The following DLC1 variants were observed in gnomAD, a reference collection of about 807,000 sequenced individuals.
DLC1 encodes the protein DLC1 Rho GTPase activating protein, also known as rho GTPase-activating protein 7.
A neutral mutation model predicts 140.3 loss-of-function variants in DLC1; 54 were observed. The observed-to-expected ratio is 0.38, with a 90% CI of 0.31 to 0.48. The LOEUF (loss-of-function observed/expected upper bound fraction) is 0.48, where lower values mean the gene tolerates loss of function less well. DLC1 is among the 20% of genes least tolerant of loss of function. The pLI is 0.96. For missense variants in DLC1, 2,536 were observed against 1,907.0 expected (o/e 1.33, Z -6.14); for synonymous variants, 986 against 728.1 (o/e 1.35, Z -5.70).
intron 5 of DLC1, among the ~76,000 whole-genome samples, chr8:13,193,684 G>A (rs1464359834): frequency 6.6e-6 from 1 of 152,158 alleles, no homozygotes; most frequent in Non-Finnish European, 1.5e-5. Context: ...AGAACCAAAG[G>A]AAGTGAGTAC....
chr8:13,157,406 G>T (rs1424259636), intron 5 of DLC1, among the ~76,000 whole-genome samples: 5 of 152,180 alleles, frequency 3.3e-5, no homozygotes, highest in Non-Finnish European at 7.4e-5. Context: ...GTTTTTGTAA[G>T]AGAGAGCCTG....
At chr8:13,340,704 T>G (rs1834001102) in intron 4 of DLC1, 1 of 152,258 alleles carries the variant, frequency 6.6e-6, no homozygotes, top group African/African-American at 2.4e-5. Flanking sequence ...GGCTATTGTT[T>G]TATTGTTGTT....
At position 13,370,437 on chromosome 8, in the gene DLC1, G is replaced by A. The variant is rs556702775; in HGVS notation, c.1314+23116C>T. On this transcript the variant is annotated intron_variant, in intron 4 of 17. Transcript: ENST00000276297. ...AGTGTTTTATTCTTGCCACTTGTGT[G>A]CTCATCTCATGTCTAAAACCACCTG... Among the ~76,000 whole-genome samples, 89 of 152,170 alleles carry A rather than the reference G, an allele frequency of 5.8e-4. 3 individuals are homozygous for A. The South Asian group carries it at 0.018, about 31-fold the overall frequency.
chr8:13,308,263 C>T (rs1169265409), intron 4 of DLC1, among the ~76,000 whole-genome samples: 1 of 152,178 alleles, frequency 6.6e-6, no homozygotes, highest in Middle Eastern at 3.2e-3. Flanking sequence ...AGAATGTCAC[C>T]ACACTCTGCA....
At chr8:13,410,996 C>A (rs1231818064) in intron 2 of DLC1, among the ~76,000 whole-genome samples, 1 of 152,184 alleles carries the variant, frequency 6.6e-6, no homozygotes, top group Non-Finnish European at 1.5e-5. Flanking sequence ...AACCCACCTG[C>A]AGAGCTGATT....
At chr8:13,293,229 C>G (rs1038899061) in intron 5 of DLC1, among the ~76,000 whole-genome samples, 9 of 152,008 alleles carry the variant, frequency 5.9e-5, no homozygotes, top group Non-Finnish European at 5.9e-5. Flanking sequence ...GAACCTGTCT[C>G]TAAAACAATA....
At chr8:13,453,438 G>A (rs28722819) in intron 2 of DLC1, among the ~76,000 whole-genome samples, 81 of 16,580 alleles carry the variant, frequency 4.9e-3, no homozygotes, top group African/African-American at 0.016. Context: ...ATATATATAT[G>A]TATATATATA....
intron 5 of DLC1, among the ~76,000 whole-genome samples, chr8:13,302,487 A>G (rs1019783201): frequency 6.6e-6 from 1 of 152,212 alleles, no homozygotes; most frequent in Non-Finnish European, 1.5e-5. Flanking sequence ...CTGTATTATC[A>G]TAGCAACGTG....
At chr8:13,547,789 C>T (rs13259421) in intron 1 of DLC1, among the ~76,000 whole-genome samples, 42,540 of 151,896 alleles carry the variant, frequency 0.28, 6,194 homozygotes, top group Admixed American at 0.3. Context: ...ATCTCTTCTC[C>T]CAACTCCTTT....
At chr8:13,495,851 C>T (rs114597394) in intron 2 of DLC1, among the ~76,000 whole-genome samples, 2,278 of 152,178 alleles carry the variant, frequency 0.015, 57 homozygotes, top group African/African-American at 0.053. Flanking sequence ...TGAAGATCCC[C>T]CTTATAAGCT....
At chr8:13,546,968 A>G (rs2117345074) in intron 1 of DLC1, among the ~76,000 whole-genome samples, 1 of 152,224 alleles carries the variant, frequency 6.6e-6, no homozygotes, top group East Asian at 1.9e-4. Flanking sequence ...TGTATATATA[A>G]AAAACATAGA....
At chr8:13,585,331 A>G (rs1180890504) in intron 1 of DLC1, among the ~76,000 whole-genome samples, 1 of 152,308 alleles carries the variant, frequency 6.6e-6, no homozygotes, top group Non-Finnish European at 1.5e-5. Flanking sequence ...TGAGAGGCTG[A>G]GGCCAAAGGA....
chr8:13,148,813 G>C (rs1202561540), intron 5 of DLC1, among the ~76,000 whole-genome samples: 1 of 152,038 alleles, frequency 6.6e-6, no homozygotes, highest in African/African-American at 2.4e-5. Flanking sequence ...TTTTTTATGA[G>C]ATGGAGTCTT....
chr8:13,145,914 T>C (rs1199143327), intron 5 of DLC1, among the ~76,000 whole-genome samples: 1 of 152,120 alleles, frequency 6.6e-6, no homozygotes, highest in Non-Finnish European at 1.5e-5. Flanking sequence ...AATATTCTAG[T>C]TCTTCATTGC....
chr8:13,204,873 C>A (rs763908868), intron 5 of DLC1, among the ~76,000 whole-genome samples: 1 of 152,264 alleles, frequency 6.6e-6, no homozygotes, highest in Non-Finnish European at 1.5e-5. Flanking sequence ...ATTGCCTTTA[C>A]ATATAACTAA....
chr8:13,583,438 T>C (rs1805188177), intron 1 of DLC1, among the ~76,000 whole-genome samples: 1 of 152,164 alleles, frequency 6.6e-6, no homozygotes, highest in Non-Finnish European at 1.5e-5. Flanking sequence ...AGCAAGTCAA[T>C]CACATCCTCA....
At chr8:13,479,700 G>C (rs892509330) in intron 2 of DLC1, among the ~76,000 whole-genome samples, 1 of 71,900 alleles carries the variant, frequency 1.4e-5, no homozygotes, top group Non-Finnish European at 3.7e-5. Context: ...AGCAGTTTGG[G>C]AGGCTGAGGC....
At chr8:13,164,528 C>A (rs961785510) in intron 5 of DLC1, among the ~76,000 whole-genome samples, 2 of 152,080 alleles carry the variant, frequency 1.3e-5, no homozygotes, top group African/African-American at 2.4e-5. Context: ...TCCTGATGTT[C>A]CCTTTGAAGG....
chr8:13,509,804 A>C lies in DLC1; in HGVS notation c.-126+4798T>G, dbSNP rs1046210153. Among the ~76,000 whole-genome samples, 3 of 149,996 alleles carry C rather than the reference A, an allele frequency of 2.0e-5. No homozygotes were observed. The Admixed American group carries it at 2.0e-4, about 10-fold the overall frequency. On this transcript the variant is annotated intron_variant, in intron 1 of 17. Coordinates refer to ENST00000276297, the MANE Select transcript of DLC1 (RefSeq NM_182643.3). ...TTTTTGTGAGGATGTCTGTGAAATA[A>C]CTTTTTTCCCCCTGGTGATTAGGGT...
Sources: allele counts gnomAD v4.1 joint callset (sites outside exome capture counted in the v4.1 genomes callset), GRCh38; gene constraint gnomAD v4.1.1; transcripts MANE v1.5; gene names NCBI Gene and HGNC (gene_info 2026-07-23, HGNC 2026-07-21).